The following MTHFD2L variants were observed in gnomAD, a reference collection of about 807,000 sequenced individuals.
The protein encoded by MTHFD2L is bifunctional methylenetetrahydrofolate dehydrogenase/cyclohydrolase 2, mitochondrial.
A neutral mutation model predicts 34.9 loss-of-function variants in MTHFD2L; 29 were observed. The ratio of observed to expected loss-of-function variants is 0.83; its 90% CI spans 0.62 to 1.13. MTHFD2L has a LOEUF of 1.13. Among genes scored for constraint, MTHFD2L ranks in the 50% most tolerant of loss-of-function variants. The pLI is 0.00. For missense variants in MTHFD2L, 481 were observed against 446.5 expected, an observed-to-expected ratio of 1.08 and a Z score of -0.70; for synonymous variants, 167 against 155.7, an observed-to-expected ratio of 1.07 and a Z score of -0.54.
chr4:74,224,320 A>G (rs1016969740), intron 5 of MTHFD2L, among the ~76,000 whole-genome samples: 5 of 152,162 alleles, frequency 3.3e-5, no homozygotes, highest in African/African-American at 1.2e-4. Context: ...GCTGCCGGCC[A>G]TGTTGTCATT....
rs189634238 is a variant in MTHFD2L at position 74,173,587 on chromosome 4, T to G, written c.144-919T>G. Among the ~76,000 whole-genome samples, 422 of 152,292 alleles carry G rather than the reference T, an allele frequency of 2.8e-3. 3 individuals are homozygous for G. Among genetic ancestry groups the G allele is most frequent in the African/African-American group, 9.7e-3 (402 of 41,566 alleles). On this transcript the variant is annotated intron_variant, in intron 1 of 7. Transcript: ENST00000325278. ...AGTTGTGTAGTATGAAGCTCATGACTTCAGAGTCTTGTGCTGGATATGCTA... is the reference window on the plus strand; with the variant it reads ...AGTTGTGTAGTATGAAGCTCATGACGTCAGAGTCTTGTGCTGGATATGCTA...
intron 5 of MTHFD2L, among the ~76,000 whole-genome samples, chr4:74,214,702 G>T (rs980786806): frequency 1.3e-5 from 2 of 151,890 alleles, no homozygotes; most frequent in Non-Finnish European, 2.9e-5. Flanking sequence ...ATCCACTTGA[G>T]GAGGCAGTCT....
chr4:74,144,332 A>G lies in MTHFD2L; in HGVS notation c.-296-15723A>G, dbSNP rs571553547. ...GCTGGGCATGGTGGCAGGCGCCTGT[A>G]GTCCCAGCTGCTCGGGAGGCTGAGA... On this transcript the variant is annotated intron_variant, in intron 1 of 7. Coordinates refer to the MTHFD2L transcript ENST00000433372. Among the ~76,000 whole-genome samples the G allele has an allele frequency of 1.4e-3, 216 of 152,290 alleles. 1 individual carries two copies. The highest frequency in any genetic ancestry group is 4.9e-3 in the African/African-American group (202 of 41,558).
At chr4:74,165,524 A>G (rs542458) in intron 1 of MTHFD2L, among the ~76,000 whole-genome samples, 1 of 151,892 alleles carries the variant, frequency 6.6e-6, no homozygotes, top group South Asian at 2.1e-4. Flanking sequence ...CGCCCAGCTA[A>G]TTTTTCTATT....
At chr4:74,164,137 A>G (rs958088008) in intron 1 of MTHFD2L, among the ~76,000 whole-genome samples, 2 of 152,156 alleles carry the variant, frequency 1.3e-5, no homozygotes, top group Non-Finnish European at 2.9e-5. Flanking sequence ...CAGCCTCCCA[A>G]AGTGCTGGGA....
intron 6 of MTHFD2L, among the ~76,000 whole-genome samples, chr4:74,245,194 C>CAAAAAAAAAAA (rs57639523): frequency 1.5e-5 from 1 of 66,360 alleles, no homozygotes; most frequent in African/African-American, 6.4e-5. Context: ...GACTCAGTCT[C>CAAAAAAAAAAA]AAAAAAAAAA....
chr4:74,201,365 C>T lies in MTHFD2L; in HGVS notation c.707C>T (p.Pro236Leu). The change falls in exon 5 of 8, where the codon CCA becomes CTA. Residue 236 changes from proline (P) to leucine (L), a missense_variant. Physicochemically the swap from Pro to Leu is moderately conservative, Grantham distance 98. Coordinates refer to ENST00000325278, the MANE Select transcript of MTHFD2L (RefSeq NM_001144978.3). ...CACACTGATGGAGAGCATGAACGGC[C>T]AGGAGGTAGGTAGAACCTTGCAGAT... ...LLHTDGEHER[P>L]GGDATVTIAH... is the part of the protein sequence containing the mutation. 6.2e-7 allele frequency: 1 copy of T among 1,611,784 alleles called. No individual in the cohort carries two copies. The highest frequency in any genetic ancestry group is 1.1e-5 in the South Asian group (1 of 90,816).
At chr4:74,289,746 A>ATT (rs1748645703) in intron 7 of MTHFD2L, among the ~76,000 whole-genome samples, 1 of 152,074 alleles carries the variant, frequency 6.6e-6, no homozygotes, top group African/African-American at 2.4e-5. Context: ...TTTAAAGGAG[A>ATT]GTTGGAATGA....
At chr4:74,158,093 G>A, upstream of MTHFD2L, 2 of 1,532,072 alleles carry the variant, frequency 1.3e-6, no homozygotes, top group Non-Finnish European at 1.7e-6. Flanking sequence ...GAGGACTGGA[G>A]TCGCGGGAGG....
intron 1 of MTHFD2L, among the ~76,000 whole-genome samples, chr4:74,172,756 T>G (rs1251488605): frequency 6.6e-6 from 1 of 152,190 alleles, no homozygotes; most frequent in Non-Finnish European, 1.5e-5. Context: ...TAGACCACGC[T>G]TGGAATTGCT....
chr4:74,155,675 A>G (rs189632103), upstream of MTHFD2L, among the ~76,000 whole-genome samples: 1 of 152,084 alleles, frequency 6.6e-6, no homozygotes, highest in African/African-American at 2.4e-5. Context: ...AAAGAACATT[A>G]GATTTTTAAA....
intron 5 of MTHFD2L, among the ~76,000 whole-genome samples, chr4:74,207,938 A>G (rs1735635611): frequency 6.6e-6 from 1 of 151,998 alleles, no homozygotes; most frequent in East Asian, 1.9e-4. Context: ...GAGGAGCCAA[A>G]TAGGAACGCC....
chr4:74,287,745 T>C (rs1175893036), intron 7 of MTHFD2L, among the ~76,000 whole-genome samples: 2 of 152,156 alleles, frequency 1.3e-5, no homozygotes, highest in Non-Finnish European at 2.9e-5. Context: ...AGACTCTGTC[T>C]CAAAAAATAA....
At chr4:74,180,997 A>G (rs1463062624) in intron 3 of MTHFD2L, 7 of 156,232 alleles carry the variant, frequency 4.5e-5, no homozygotes, top group African/African-American at 1.5e-4. Context: ...AAATTTTTGG[A>G]GTATGTATCT....
intron 1 of MTHFD2L, among the ~76,000 whole-genome samples, chr4:74,152,045 C>A (rs1244364185): frequency 1.3e-5 from 2 of 152,006 alleles, no homozygotes; most frequent in Non-Finnish European, 1.5e-5. Context: ...CCTAATTAAC[C>A]CATCTTTGTA....
At chr4:74,129,658 A>C (rs1156279147) in intron 1 of MTHFD2L, among the ~76,000 whole-genome samples, 1 of 152,156 alleles carries the variant, frequency 6.6e-6, no homozygotes, top group East Asian at 1.9e-4. Context: ...ACATCCTAAC[A>C]TTACAATTAA....
intron 6 of MTHFD2L, among the ~76,000 whole-genome samples, chr4:74,235,594 G>C (rs1408999123): frequency 6.6e-6 from 1 of 152,102 alleles, no homozygotes; most frequent in Non-Finnish European, 1.5e-5. Flanking sequence ...AGGGATATTG[G>C]ACACGAATTC....
At chr4:74,180,163 ATAGGGT>A (rs1340627161) in intron 3 of MTHFD2L, among the ~76,000 whole-genome samples, 1 of 152,146 alleles carries the variant, frequency 6.6e-6, no homozygotes, top group Non-Finnish European at 1.5e-5. Flanking sequence ...AACTCAACTG[ATAGGGT>A]TAGGAATAGT....
intron 6 of MTHFD2L, among the ~76,000 whole-genome samples, chr4:74,266,643 C>G (rs1027599575): frequency 1.3e-5 from 2 of 152,148 alleles, no homozygotes; most frequent in Admixed American, 1.3e-4. Flanking sequence ...ACTCTCCTGA[C>G]TTTTCGAACT....
Sources: allele counts gnomAD v4.1 joint callset (sites outside exome capture counted in the v4.1 genomes callset), GRCh38; gene constraint gnomAD v4.1.1; transcripts MANE v1.5; gene names NCBI Gene and HGNC (gene_info 2026-07-23, HGNC 2026-07-21).